Variants in PLEKHA6 observed in about 807,000 individuals in gnomAD.
PLEKHA6 encodes pleckstrin homology domain containing A6.
A neutral mutation model predicts 116.7 loss-of-function variants in PLEKHA6; 60 were observed. The ratio of observed to expected loss-of-function variants is 0.51; its 90% CI spans 0.42 to 0.64. The LOEUF is 0.64. Ranked by LOEUF, PLEKHA6 falls within the 30% of genes least tolerant of loss-of-function variation. The probability of loss-of-function intolerance (pLI) is 0.00; values close to 1 mark genes in which losing one functional copy is unlikely to be tolerated. For synonymous variants in PLEKHA6, 489 were observed against 556.1 expected (o/e 0.88, Z 1.70); for missense variants, 1,338 against 1,422.7 (o/e 0.94, Z 0.96).
At chr1:204,339,068 G>A (rs1672756413) in intron 1 of PLEKHA6, among the ~76,000 whole-genome samples, 1 of 152,122 alleles carries the variant, frequency 6.6e-6, no homozygotes, top group South Asian at 2.1e-4. Context: ...TGGGTCTCCT[G>A]GAACGCTCTC....
chr1:204,329,467 A>C (rs544946500), intron 1 of PLEKHA6, among the ~76,000 whole-genome samples: 56 of 152,308 alleles, frequency 3.7e-4, no homozygotes, highest in Non-Finnish European at 6.8e-4. Context: ...CTAATTAGAG[A>C]GTCATTAATA....
At position 204,250,348 on chromosome 1, in the gene PLEKHA6, G is replaced by C. The variant is rs745859974; in HGVS notation, c.1593+198C>G. On this transcript the variant is annotated intron_variant, in intron 10 of 22. Coordinates refer to ENST00000272203, the MANE Select transcript of PLEKHA6 (RefSeq NM_014935.5). ...GGGTGGTAGATCAGAAAAGAAGGGG[G>C]ATGAGGAGGAGGTAGGCAGAATCTT... Among the ~76,000 whole-genome samples the C allele has an allele frequency of 4.9e-5, 7 of 143,726 alleles. No homozygotes were observed. The South Asian group carries it at 1.6e-3, about 32-fold the overall frequency. 94.3% of individuals were successfully genotyped at this position (143,726 alleles called of 152,430 possible). A position where few individuals can be genotyped will look rare whatever the true frequency, so the allele number is the denominator to read the frequency against.
intron 1 of PLEKHA6, among the ~76,000 whole-genome samples, chr1:204,335,534 C>T (rs989796533): frequency 2.0e-5 from 3 of 152,098 alleles, no homozygotes; most frequent in African/African-American, 4.8e-5. Context: ...GTGGCCGCTG[C>T]ACCTCTCCCT....
In PLEKHA6 at chr1:204,318,221, C is replaced by T. The variant is rs75714980; in HGVS notation, c.-95+41473G>A. 3.0e-4 allele frequency among the ~76,000 whole-genome samples: 45 copies of T among 152,296 alleles called. 1 individual carries two copies. The East Asian group carries it at 8.7e-3, about 29-fold the overall frequency. ...TCTGTCCTGGCTTTAGAGAAGGAGA[C>T]AGAGGTCACTGGAGGAGCAGTGGCT... On this transcript the variant is annotated intron_variant, in intron 1 of 22. Transcript: ENST00000272203.
Position 204,246,154 on chromosome 1 carries a change from G to A in PLEKHA6, c.1921-428C>T, listed in dbSNP as rs962023467. ...CCCACTCCCAGCGTACGCCTGAAGA[G>A]TCATGAATTCAATTACAGTTGACAG... On this transcript the variant is annotated intron_variant, in intron 13 of 22. Transcript: ENST00000272203. Among the ~76,000 whole-genome samples, 5 of 152,192 alleles carry A rather than the reference G, an allele frequency of 3.3e-5. No individual in the cohort carries two copies. In the South Asian group the frequency reaches 8.3e-4, roughly 25 times the overall value.
intron 9 of PLEKHA6, chr1:204,255,743 A>G (rs1365972991): frequency 1.4e-6 from 1 of 697,312 alleles, no homozygotes. Flanking sequence ...ACACAAAAGA[A>G]AACAATAAAA....
intron 1 of PLEKHA6, among the ~76,000 whole-genome samples, chr1:204,339,564 C>T (rs1672774822): frequency 6.6e-6 from 1 of 152,192 alleles, no homozygotes; most frequent in South Asian, 2.1e-4. Flanking sequence ...GCTCCCCAAG[C>T]CCCTCCATTC....
At chr1:204,316,916 A>G (rs1169444746) in intron 1 of PLEKHA6, among the ~76,000 whole-genome samples, 1 of 152,148 alleles carries the variant, frequency 6.6e-6, no homozygotes, top group Admixed American at 6.5e-5. Flanking sequence ...TGAACCCCAG[A>G]CAGATAAAGC....
Position 204,268,227 on chromosome 1 carries a change from G to A in PLEKHA6, c.188C>T (p.Ala63Val), listed in dbSNP as rs150307846. 60 of 1,611,424 alleles carry A rather than the reference G, an allele frequency of 3.7e-5. No individual in the cohort carries two copies. Among genetic ancestry groups the A allele is most frequent in the South Asian group, 2.0e-4 (18 of 90,788 alleles). Residue 63 changes from alanine (A) to valine (V), a missense_variant, in exon 4 of 23, where the codon GCG becomes GTG. Transcript: ENST00000272203. ...KRNPNAPVTK[A>V]GWLFKQASSG... Reference sequence around the variant, plus strand: ...CCTCACCTGTTTGAAGAGCCAGCCCGCCTTGGTGACAGGTGCATTGGGGTT... The same window carrying A: ...CCTCACCTGTTTGAAGAGCCAGCCCACCTTGGTGACAGGTGCATTGGGGTT...
chr1:204,235,299 C>T (rs372683927), intron 17 of PLEKHA6, among the ~76,000 whole-genome samples: 12 of 152,050 alleles, frequency 7.9e-5, no homozygotes, highest in East Asian at 5.8e-4. Context: ...TCTTGATTCA[C>T]GGTTCATTGA....
At chr1:204,231,446 A>G (rs1661167302) in intron 17 of PLEKHA6, among the ~76,000 whole-genome samples, 1 of 152,228 alleles carries the variant, frequency 6.6e-6, no homozygotes, top group African/African-American at 2.4e-5. Flanking sequence ...AAAGATGTGC[A>G]TATTACCTAC....
At chr1:204,224,366 G>A (rs975072066) in intron 21 of PLEKHA6, among the ~76,000 whole-genome samples, 2 of 151,954 alleles carry the variant, frequency 1.3e-5, no homozygotes, top group African/African-American at 4.8e-5. Flanking sequence ...CCTCACTGTA[G>A]CCGCGAGGCA....
At chr1:204,361,878 C>T (rs925608486), upstream of PLEKHA6, among the ~76,000 whole-genome samples, 7 of 151,740 alleles carry the variant, frequency 4.6e-5, no homozygotes, top group African/African-American at 1.5e-4. Context: ...AGAGGGAGGC[C>T]GGGGAGGGGG....
intron 1 of PLEKHA6, among the ~76,000 whole-genome samples, chr1:204,333,573 C>G (rs768625631): frequency 1.8e-4 from 28 of 152,162 alleles, no homozygotes; most frequent in Non-Finnish European, 3.1e-4. Context: ...ACAGTTAGAG[C>G]TCAAAGGGGA....
At chr1:204,300,177 T>C (rs1435350035) in intron 1 of PLEKHA6, among the ~76,000 whole-genome samples, 1 of 152,190 alleles carries the variant, frequency 6.6e-6, no homozygotes, top group East Asian at 1.9e-4. Context: ...TGACTGTTTT[T>C]TCATATCACT....
intron 1 of PLEKHA6, among the ~76,000 whole-genome samples, chr1:204,339,783 T>A (rs995361406): frequency 2.0e-5 from 3 of 152,222 alleles, no homozygotes; most frequent in African/African-American, 7.2e-5. Flanking sequence ...CTATTTAAAA[T>A]GACAAATTTA....
intron 17 of PLEKHA6, among the ~76,000 whole-genome samples, chr1:204,232,078 A>G (rs1371149085): frequency 6.6e-6 from 1 of 152,172 alleles, no homozygotes; most frequent in Non-Finnish European, 1.5e-5. Context: ...GAAACGTGTT[A>G]TTAGAAAGGG....
At chr1:204,322,146 A>G (rs1672085330) in intron 1 of PLEKHA6, among the ~76,000 whole-genome samples, 1 of 152,202 alleles carries the variant, frequency 6.6e-6, no homozygotes, top group African/African-American at 2.4e-5. Flanking sequence ...TGGTGCCCAG[A>G]GAGGTTAGGA....
At chr1:204,376,054 T>G (rs149159784) in intron 1 of PLEKHA6, among the ~76,000 whole-genome samples, 1 of 152,170 alleles carries the variant, frequency 6.6e-6, no homozygotes, top group East Asian at 1.9e-4. Flanking sequence ...CCATATTATT[T>G]CCTAAGTATT....
Sources: allele counts gnomAD v4.1 joint callset (sites outside exome capture counted in the v4.1 genomes callset), GRCh38; gene constraint gnomAD v4.1.1; transcripts MANE v1.5; gene names NCBI Gene and HGNC (gene_info 2026-07-23, HGNC 2026-07-21).